The following NEBL variants were observed in gnomAD, a reference collection of about 807,000 sequenced individuals.
NEBL encodes the protein LIM and SH3 protein 2.
A neutral mutation model predicts 140.2 loss-of-function variants in NEBL; 122 were observed. The observed-to-expected ratio is 0.87, with a 90% CI of 0.75 to 1.01. NEBL has a LOEUF of 1.01. NEBL is among the 50% of genes least tolerant of loss of function. NEBL has a pLI of 0.00. For synonymous variants in NEBL, 436 were observed against 398.9 expected, an observed-to-expected ratio of 1.09 and a Z score of -1.11; for missense variants, 1,365 against 1,231.3, an observed-to-expected ratio of 1.11 and a Z score of -1.62.
chr10:21,053,396 A>G (rs551751213), intron 2 of NEBL, among the ~76,000 whole-genome samples: 63 of 152,332 alleles, frequency 4.1e-4, no homozygotes, highest in Admixed American at 2.2e-3. Flanking sequence ...CACACTCACA[A>G]GAGTCTGAAA....
chr10:20,961,777 G>T, exon 4 of NEBL: 2 of 1,611,128 alleles, frequency 1.2e-6, no homozygotes, highest in South Asian at 2.2e-5. Flanking sequence ...TTTTGTACTT[G>T]ACCTAACAAG....
At chr10:20,808,285 T>G (rs1040471454) in intron 26 of NEBL, among the ~76,000 whole-genome samples, 1 of 151,794 alleles carries the variant, frequency 6.6e-6, no homozygotes, top group African/African-American at 2.4e-5. Flanking sequence ...ATTGCTGCGA[T>G]AATAGTGAAG....
intron 2 of NEBL, among the ~76,000 whole-genome samples, chr10:21,095,958 T>C (rs138829580): frequency 6.6e-6 from 1 of 152,192 alleles, no homozygotes. Flanking sequence ...TGCAGCTTCC[T>C]AGTCAGTAAA....
chr10:21,045,483 A>G (rs1157071943), intron 2 of NEBL, among the ~76,000 whole-genome samples: 1 of 152,196 alleles, frequency 6.6e-6, no homozygotes, highest in Non-Finnish European at 1.5e-5. Context: ...TAATCAATCT[A>G]CTCTGGTCAA....
chr10:21,146,129 G>C (rs567883091), intron 2 of NEBL, among the ~76,000 whole-genome samples: 3 of 152,278 alleles, frequency 2.0e-5, no homozygotes, highest in African/African-American at 7.2e-5. Flanking sequence ...AAAAGAAAAA[G>C]AAACTGTGCA....
At chr10:21,195,588 G>C (rs1356206383) in intron 3 of NEBL, among the ~76,000 whole-genome samples, 1 of 152,114 alleles carries the variant, frequency 6.6e-6, no homozygotes, top group Non-Finnish European at 1.5e-5. Flanking sequence ...CCATTTAGTT[G>C]CATAACTGTC....
At chr10:20,952,919 A>AAG (rs1554811804) in intron 4 of NEBL, among the ~76,000 whole-genome samples, 8 of 150,846 alleles carry the variant, frequency 5.3e-5, no homozygotes, top group African/African-American at 9.7e-5. Context: ...AAAAAAAAAA[A>AAG]AAAAAAGAAA....
At chr10:20,845,992 C>T (rs1360685087) in intron 11 of NEBL, among the ~76,000 whole-genome samples, 2 of 152,034 alleles carry the variant, frequency 1.3e-5, no homozygotes, top group East Asian at 3.9e-4. Context: ...AACTGAACTC[C>T]TCCTTTAAGT....
intron 3 of NEBL, among the ~76,000 whole-genome samples, chr10:21,216,115 C>G (rs1423048813): frequency 6.6e-6 from 1 of 152,160 alleles, no homozygotes; most frequent in African/African-American, 2.4e-5. Context: ...CCACGGTATG[C>G]AGTAGGGTAC....
chr10:20,876,431 G>T (rs1322763388), intron 5 of NEBL, among the ~76,000 whole-genome samples: 1 of 151,924 alleles, frequency 6.6e-6, no homozygotes, highest in Admixed American at 6.6e-5. Context: ...CACTATTATT[G>T]TAAGTCTCAT....
intron 2 of NEBL, among the ~76,000 whole-genome samples, chr10:21,023,567 C>T (rs1241233531): frequency 6.6e-6 from 1 of 152,030 alleles, no homozygotes; most frequent in Non-Finnish European, 1.5e-5. Context: ...TGGTGGCGCA[C>T]ACCTGTAATC....
intron 7 of NEBL, among the ~76,000 whole-genome samples, chr10:20,860,461 G>C (rs529594126): frequency 6.8e-6 from 1 of 146,010 alleles, no homozygotes; most frequent in South Asian, 2.2e-4. Context: ...AACCAAAAAG[G>C]GATTATCAAC....
chr10:21,134,311 C>A (rs771298970), intron 2 of NEBL, among the ~76,000 whole-genome samples: 1 of 151,950 alleles, frequency 6.6e-6, no homozygotes, highest in Non-Finnish European at 1.5e-5. Flanking sequence ...TCATGTCCTA[C>A]TCTCCTAGAC....
chr10:20,884,999 A>C (rs750225715), intron 4 of NEBL, among the ~76,000 whole-genome samples: 1 of 152,216 alleles, frequency 6.6e-6, no homozygotes. Context: ...GTAAGTGTTC[A>C]TCTAGCTAAC....
intron 4 of NEBL, among the ~76,000 whole-genome samples, chr10:20,920,572 G>C (rs1163365007): frequency 6.6e-6 from 1 of 151,818 alleles, no homozygotes; most frequent in Non-Finnish European, 1.5e-5. Flanking sequence ...AGAGATGAAA[G>C]AATATATGCT....
chr10:20,864,654 C>T (rs1008113638), intron 7 of NEBL, among the ~76,000 whole-genome samples: 3 of 152,188 alleles, frequency 2.0e-5, no homozygotes, highest in Non-Finnish European at 4.4e-5. Context: ...TATCCATTCT[C>T]ATCTCCCTGT....
chr10:20,857,417 C>G (rs1481130444), intron 9 of NEBL, among the ~76,000 whole-genome samples: 1 of 152,144 alleles, frequency 6.6e-6, no homozygotes, highest in Non-Finnish European at 1.5e-5. Context: ...ATTTCTGCAT[C>G]TAATCTATGC....
upstream of NEBL, among the ~76,000 whole-genome samples, chr10:21,178,542 C>T (rs1045454132): frequency 1.3e-5 from 2 of 152,190 alleles, no homozygotes; most frequent in African/African-American, 4.8e-5. Context: ...ACCATATTTC[C>T]TCTCCCACAG....
intron 4 of NEBL, among the ~76,000 whole-genome samples, chr10:20,936,580 T>C (rs1386207061): frequency 1.3e-5 from 2 of 152,220 alleles, no homozygotes; most frequent in Non-Finnish European, 2.9e-5. Context: ...AAGAATTAAG[T>C]GAGAGCTTAA....
Sources: gnomAD v4.1 joint callset for allele counts (sites outside exome capture counted in the v4.1 genomes callset) on GRCh38, gnomAD v4.1.1 for gene constraint, MANE v1.5 for transcripts, NCBI Gene and HGNC (gene_info 2026-07-23, HGNC 2026-07-21) for gene names.